The following LARGE1 variants were observed in gnomAD, a reference collection of about 807,000 sequenced individuals.
The protein encoded by LARGE1 is xylosyl- and glucuronyltransferase LARGE1.
A neutral mutation model predicts 87.6 loss-of-function variants in LARGE1; 43 were observed. The observed-to-expected ratio is 0.49, with a 90% CI of 0.38 to 0.63. LARGE1 has a LOEUF of 0.63. Ranked by LOEUF, LARGE1 falls within the 30% of genes least tolerant of loss-of-function variation. LARGE1 has a pLI of 0.00. For missense variants in LARGE1, 802 were observed against 1,000.2 expected (o/e 0.80, Z 2.67); for synonymous variants, 434 against 394.6 (o/e 1.10, Z -1.18).
At chr22:33,313,358 T>C (rs1364691565) in intron 11 of LARGE1, among the ~76,000 whole-genome samples, 2 of 152,142 alleles carry the variant, frequency 1.3e-5, no homozygotes, top group Non-Finnish European at 2.9e-5. Flanking sequence ...TCCACTTCCT[T>C]GGGCTCTCAT....
chr22:33,916,673 C>T (rs1356597583), intron 1 of LARGE1, among the ~76,000 whole-genome samples: 1 of 152,144 alleles, frequency 6.6e-6, no homozygotes, highest in Non-Finnish European at 1.5e-5. Flanking sequence ...ACCCCCAATG[C>T]AGTATGCTCC....
At chr22:33,295,431 T>C (rs2267187) in intron 12 of LARGE1, among the ~76,000 whole-genome samples, 12,414 of 152,266 alleles carry the variant, frequency 0.082, 651 homozygotes, top group East Asian at 0.24. Context: ...CCCTCATAGC[T>C]GTTTAAACTG....
intron 1 of LARGE1, among the ~76,000 whole-genome samples, chr22:33,835,977 A>T (rs1448881329): frequency 1.3e-5 from 2 of 152,236 alleles, no homozygotes; most frequent in Non-Finnish European, 2.9e-5. Flanking sequence ...CTGAACCCAT[A>T]AATGGGATTC....
At chr22:33,473,329 C>T (rs753842937) in intron 6 of LARGE1, among the ~76,000 whole-genome samples, 14 of 151,914 alleles carry the variant, frequency 9.2e-5, no homozygotes, top group Non-Finnish European at 1.8e-4. Flanking sequence ...CCACCATGCC[C>T]GGGTAGTTCT....
chr22:33,272,314 T>G (rs1355666763), downstream of LARGE1, among the ~76,000 whole-genome samples: 7 of 152,216 alleles, frequency 4.6e-5, no homozygotes, highest in East Asian at 1.4e-3. Flanking sequence ...TGTATCTGTC[T>G]GTGTGTGCTT....
the LARGE1 span, among the ~76,000 whole-genome samples, chr22:33,125,619 G>C: frequency 6.6e-6 from 1 of 152,002 alleles, no homozygotes; most frequent in Non-Finnish European, 1.5e-5. Flanking sequence ...GCTAATTTTT[G>C]TATTTTTAAT....
At chr22:33,885,970 C>A (rs374747256) in intron 1 of LARGE1, among the ~76,000 whole-genome samples, 54 of 152,128 alleles carry the variant, frequency 3.5e-4, no homozygotes, top group African/African-American at 1.2e-3. Flanking sequence ...GCAGAGATTG[C>A]AGTGAGCCGA....
intron 10 of LARGE1, among the ~76,000 whole-genome samples, chr22:33,320,080 C>T (rs759926377): frequency 1.3e-5 from 2 of 152,224 alleles, no homozygotes; most frequent in Non-Finnish European, 2.9e-5. Flanking sequence ...TAATATAAGA[C>T]AAGGAAGCTG....
At chr22:33,849,243 C>A (rs1219840364) in intron 1 of LARGE1, among the ~76,000 whole-genome samples, 1 of 152,168 alleles carries the variant, frequency 6.6e-6, no homozygotes, top group Non-Finnish European at 1.5e-5. Context: ...AACTCCAGGT[C>A]CAGCAGACAC....
chr22:33,597,126 T>C (rs2078997976), intron 5 of LARGE1, among the ~76,000 whole-genome samples: 1 of 152,134 alleles, frequency 6.6e-6, no homozygotes, highest in Non-Finnish European at 1.5e-5. Context: ...CACCTGAAGT[T>C]CAACCATTGT....
At chr22:33,593,924 A>G (rs2078911273) in intron 5 of LARGE1, among the ~76,000 whole-genome samples, 1 of 152,170 alleles carries the variant, frequency 6.6e-6, no homozygotes, top group Non-Finnish European at 1.5e-5. Flanking sequence ...CCCAAAATTC[A>G]TGTTTTGGTT....
chr22:33,720,379 C>T (rs1036538789), intron 2 of LARGE1, among the ~76,000 whole-genome samples: 3 of 152,166 alleles, frequency 2.0e-5, no homozygotes, highest in Non-Finnish European at 2.9e-5. Flanking sequence ...CTCTCACTGG[C>T]CGGCAGTCCC....
chr22:33,700,787 G>A (rs1032518233), intron 2 of LARGE1, among the ~76,000 whole-genome samples: 1 of 152,196 alleles, frequency 6.6e-6, no homozygotes, highest in Admixed American at 6.5e-5. Flanking sequence ...GCAGGGAAGT[G>A]TGAAAGCAAT....
chr22:33,379,517 G>A (rs547987658), intron 9 of LARGE1, among the ~76,000 whole-genome samples: 10 of 152,008 alleles, frequency 6.6e-5, no homozygotes, highest in South Asian at 4.2e-4. Flanking sequence ...TGTTTACTGC[G>A]GCACTATTCA....
At chr22:33,374,324 T>C (rs1453954468) in intron 9 of LARGE1, among the ~76,000 whole-genome samples, 1 of 152,230 alleles carries the variant, frequency 6.6e-6, no homozygotes, top group Non-Finnish European at 1.5e-5. Flanking sequence ...GTTTCTTACC[T>C]TTTTAATAAC....
chr22:33,853,256 T>C (rs1285033720), intron 1 of LARGE1, among the ~76,000 whole-genome samples: 1 of 152,158 alleles, frequency 6.6e-6, no homozygotes, highest in Non-Finnish European at 1.5e-5. Context: ...TTCCCTATAA[T>C]GAACAGGATA....
At chr22:33,463,073 TA>T (rs1416009274) in intron 6 of LARGE1, among the ~76,000 whole-genome samples, 21 of 152,016 alleles carry the variant, frequency 1.4e-4, no homozygotes, top group African/African-American at 4.8e-4. Flanking sequence ...TAAAGAAGGT[TA>T]GAAAGGAGAA....
intron 1 of LARGE1, among the ~76,000 whole-genome samples, chr22:33,868,408 G>A (rs2064172563): frequency 6.6e-6 from 1 of 152,164 alleles, no homozygotes; most frequent in South Asian, 2.1e-4. Flanking sequence ...TGATGTCTAA[G>A]GGTCTTCCTG....
At chr22:33,534,909 C>A (rs1341759181) in intron 6 of LARGE1, among the ~76,000 whole-genome samples, 1 of 152,214 alleles carries the variant, frequency 6.6e-6, no homozygotes, top group Non-Finnish European at 1.5e-5. Context: ...AGTCCCATCC[C>A]CACCATCTCA....
Sources: gnomAD v4.1 joint callset for allele counts (sites outside exome capture counted in the v4.1 genomes callset) on GRCh38, gnomAD v4.1.1 for gene constraint, MANE v1.5 for transcripts, NCBI Gene and HGNC (gene_info 2026-07-23, HGNC 2026-07-21) for gene names.